The following GABRA4 variants were observed in gnomAD, a reference collection of about 807,000 sequenced individuals.
The protein encoded by GABRA4 is gamma-aminobutyric acid type A receptor subunit alpha4.
A neutral mutation model predicts 49.7 loss-of-function variants in GABRA4; 12 were observed. That is an observed-to-expected ratio of 0.24 (90% CI 0.15 to 0.39). The LOEUF (loss-of-function observed/expected upper bound fraction) is 0.39, where lower values mean the gene tolerates loss of function less well. Among genes scored for constraint, GABRA4 ranks in the 10% least tolerant of loss-of-function variants. GABRA4 has a pLI of 1.00. For missense variants in GABRA4, 506 were observed against 686.0 expected (o/e 0.74, Z 2.93); for synonymous variants, 288 against 240.2 (o/e 1.20, Z -1.84).
At chr4:46,964,052 A>G (rs1400140753) in intron 8 of GABRA4, among the ~76,000 whole-genome samples, 1 of 151,922 alleles carries the variant, frequency 6.6e-6, no homozygotes, top group Non-Finnish European at 1.5e-5. Flanking sequence ...AATGTGGTAC[A>G]TATATACAGT....
At chr4:46,985,514 G>A (rs140972337) in intron 2 of GABRA4, among the ~76,000 whole-genome samples, 75 of 152,158 alleles carry the variant, frequency 4.9e-4, no homozygotes, top group African/African-American at 1.7e-3. Context: ...TTTCAATTCT[G>A]TGTAACTGTG....
intron 7 of GABRA4, among the ~76,000 whole-genome samples, chr4:46,969,696 A>G (rs1722883170): frequency 1.3e-5 from 2 of 151,494 alleles, no homozygotes; most frequent in Non-Finnish European, 3.0e-5. Context: ...AATCCTCACT[A>G]GTCTATGAGG....
chr4:46,919,576 G>A lies in GABRA4; in HGVS notation c.*8649C>T, dbSNP rs1402327580. The A allele has an allele frequency of 7.9e-5, 12 of 151,602 alleles. No individual in the cohort carries two copies. In the East Asian group the frequency reaches 1.7e-3, roughly 22 times the overall value. The allele number at this position is 151,602 out of a possible 1,614,324, so 9.4% of individuals were successfully genotyped here. On this transcript the variant is annotated 3_prime_UTR_variant, in exon 9 of 9. Coordinates refer to ENST00000264318, the MANE Select transcript of GABRA4 (RefSeq NM_000809.4). ...ATAACAAATTTAGTTTTTATGATAT[G>A]AGGAAATATGCATTATTGTTTTTTT...
In GABRA4 at chr4:46,928,055, C is replaced by G. The variant is rs2109933761; in HGVS notation, c.*170G>C. On this transcript the variant is annotated 3_prime_UTR_variant, in exon 9 of 9. Coordinates refer to ENST00000264318, the MANE Select transcript of GABRA4 (RefSeq NM_000809.4). ...TTTTTCTGAAAAAAAACATAGTTCA[C>G]TTTTTCACTCAGGAATTAATTAACT... 1 of 577,706 alleles carries G rather than the reference C, an allele frequency of 1.7e-6. No individual in the cohort carries two copies. The highest frequency in any genetic ancestry group is 3.1e-5 in the East Asian group (1 of 32,388). 35.8% of individuals were successfully genotyped at this position (577,706 alleles called of 1,614,324 possible). A position where few individuals can be genotyped will look rare whatever the true frequency, so the allele number is the denominator to read the frequency against.
At position 46,924,960 on chromosome 4, in the gene GABRA4, C is replaced by T. The variant is rs1169092059; in HGVS notation, c.*3265G>A. On this transcript the variant is annotated 3_prime_UTR_variant, in exon 9 of 9. Transcript: ENST00000264318. ...CTTGAAATTAAGTGACCCATCTCCA[C>T]ACCTGGTGTCTTTTACTGGAGAATA... 4.6e-5 allele frequency: 7 copies of T among 151,990 alleles called. No homozygotes were observed. The highest frequency in any genetic ancestry group is 7.4e-5 in the Non-Finnish European group (5 of 67,936). The allele number at this position is 151,990 out of a possible 1,614,324, so 9.4% of individuals were successfully genotyped here.
At chr4:46,979,127 A>G (rs1167590012) in intron 2 of GABRA4, 29 bp from the exon 3 acceptor site, 5 of 1,380,052 alleles carry the variant, frequency 3.6e-6, no homozygotes, top group Non-Finnish European at 2.1e-6. Flanking sequence ...ATAAGTGTGA[A>G]AAAATAATTA....
chr4:46,944,436 C>T (rs555410798), intron 8 of GABRA4, among the ~76,000 whole-genome samples: 12 of 152,160 alleles, frequency 7.9e-5, no homozygotes, highest in African/African-American at 2.6e-4. Flanking sequence ...ACTTGATTGG[C>T]TTTTCTTCTT....
At chr4:46,937,097 G>A (rs1358045495) in intron 8 of GABRA4, among the ~76,000 whole-genome samples, 1 of 152,186 alleles carries the variant, frequency 6.6e-6, no homozygotes, top group Admixed American at 6.5e-5. Context: ...AGTCACAAAG[G>A]TGGAGCCCTG....
rs780184966 is a variant in GABRA4, at chr4:46,928,295, G to A, written c.1595C>T (p.Ala532Val). 1.2e-6 allele frequency: 2 copies of A among 1,613,088 alleles called. No homozygotes were observed. The highest frequency in any genetic ancestry group is 1.7e-6 in the Non-Finnish European group (2 of 1,179,492). ...ARILFPVTFGAFNMVYWVVYL... is the reference protein window; with the variant it reads ...ARILFPVTFGVFNMVYWVVYL... ...AACAACCCAATAAACCATGTTAAATGCCCCAAATGTGACTGGAAAGAGAAT... is the reference window on the plus strand; with the variant it reads ...AACAACCCAATAAACCATGTTAAATACCCCAAATGTGACTGGAAAGAGAAT... Residue 532 changes from alanine (A) to valine (V), a missense_variant, in exon 9 of 9, where the codon GCA (alanine) becomes GTA (valine). Physicochemically the swap from Ala to Val is moderately conservative, Grantham distance 64. Coordinates refer to ENST00000264318, the MANE Select transcript of GABRA4 (RefSeq NM_000809.4).
At chr4:46,945,506 C>T (rs746122099) in intron 8 of GABRA4, among the ~76,000 whole-genome samples, 1 of 152,104 alleles carries the variant, frequency 6.6e-6, no homozygotes, top group Non-Finnish European at 1.5e-5. Flanking sequence ...TCCTCTCAAT[C>T]ATAGTTCTAA....
chr4:46,992,600 T>A, intron 2 of GABRA4: 1 of 513,494 alleles, frequency 1.9e-6, no homozygotes, highest in African/African-American at 1.9e-5. Context: ...TCCCGGGAGG[T>A]AATTAGTGTG....
At chr4:46,968,456 C>G (rs1260587843) in intron 7 of GABRA4, among the ~76,000 whole-genome samples, 1 of 151,476 alleles carries the variant, frequency 6.6e-6, no homozygotes, top group African/African-American at 2.4e-5. Context: ...CACAAGCCCC[C>G]ACATCCCCAC....
intron 6 of GABRA4, among the ~76,000 whole-genome samples, chr4:46,972,200 G>T (rs1370496517): frequency 6.6e-6 from 1 of 151,516 alleles, no homozygotes; most frequent in Non-Finnish European, 1.5e-5. Context: ...TGTGAAGAAG[G>T]TTTCCTCAAA....
chr4:46,961,103 C>T (rs913111743), intron 8 of GABRA4, among the ~76,000 whole-genome samples: 1 of 151,864 alleles, frequency 6.6e-6, no homozygotes, highest in Non-Finnish European at 1.5e-5. Flanking sequence ...AAAATTCATT[C>T]TGATGATTTT....
intron 6 of GABRA4, among the ~76,000 whole-genome samples, chr4:46,972,850 T>A (rs1327136198): frequency 1.3e-5 from 2 of 151,638 alleles, no homozygotes; most frequent in Non-Finnish European, 3.0e-5. Flanking sequence ...CACTGCTTTA[T>A]CCATTTTTTC....
At chr4:46,930,903 G>C (rs570750051) in intron 8 of GABRA4, among the ~76,000 whole-genome samples, 1 of 151,608 alleles carries the variant, frequency 6.6e-6, no homozygotes, top group African/African-American at 2.4e-5. Context: ...CACCGAGAGG[G>C]AAGAAACAAA....
intron 8 of GABRA4, among the ~76,000 whole-genome samples, chr4:46,941,767 AGCAAC>A (rs1721806088): frequency 6.6e-6 from 1 of 152,068 alleles, no homozygotes; most frequent in African/African-American, 2.4e-5. Flanking sequence ...GCATTCTTGG[AGCAAC>A]ACTAAGAACT....
At position 46,924,317 on chromosome 4, in the gene GABRA4, A is replaced by T. The variant is rs1721134644; in HGVS notation, c.*3908T>A. The T allele has an allele frequency of 6.6e-6, 1 of 152,022 alleles. No homozygotes were observed. The highest frequency in any genetic ancestry group is 6.6e-5 in the Admixed American group (1 of 15,246). 9.4% of individuals were successfully genotyped at this position (152,022 alleles called of 1,614,324 possible). The stretch of plus-strand genomic sequence containing the variant: ...ATTCACTTAAATATTAGGTATCTTG[A>T]TTATTGAAGTTTTGATGTCCCCATA... On this transcript the variant is annotated 3_prime_UTR_variant, in exon 9 of 9. Transcript: ENST00000264318.
chr4:46,928,807 G>T, intron 8 of GABRA4, 52 bp from the exon 9 acceptor site: 3 of 1,279,068 alleles, frequency 2.3e-6, no homozygotes, highest in Non-Finnish European at 3.3e-6. Context: ...ATGCAGATTT[G>T]TACAAAATTT....
Sources: allele counts gnomAD v4.1 joint callset (sites outside exome capture counted in the v4.1 genomes callset), GRCh38; gene constraint gnomAD v4.1.1; transcripts MANE v1.5; gene names NCBI Gene and HGNC (gene_info 2026-07-23, HGNC 2026-07-21).